EBF1: variants seen among roughly 807,000 people sequenced by gnomAD.
The protein encoded by EBF1 is transcription factor COE1.
A neutral mutation model predicts 68.4 loss-of-function variants in EBF1; 10 were observed. That is an observed-to-expected ratio of 0.15 (90% CI 0.09 to 0.25). EBF1 has a LOEUF of 0.25. Ranked by LOEUF, EBF1 falls within the 10% of genes least tolerant of loss-of-function variation. EBF1 has a pLI of 1.00. For synonymous variants in EBF1, 298 were observed against 299.8 expected, an observed-to-expected ratio of 0.99 and a Z score of 0.06; for missense variants, 509 against 794.4, an observed-to-expected ratio of 0.64 and a Z score of 4.32.
chr5:158,852,106 G>A (rs570801796), intron 6 of EBF1, among the ~76,000 whole-genome samples: 13 of 144,752 alleles, frequency 9.0e-5, no homozygotes, highest in Non-Finnish European at 1.7e-4. Context: ...TCTTGTTTGC[G>A]TTAGAAAGCT....
At chr5:158,991,040 A>G (rs1760209504) in intron 6 of EBF1, among the ~76,000 whole-genome samples, 1 of 152,230 alleles carries the variant, frequency 6.6e-6, no homozygotes, top group Admixed American at 6.5e-5. Flanking sequence ...AGAGTAACAG[A>G]CATCGTAGGG....
intron 8 of EBF1, among the ~76,000 whole-genome samples, chr5:158,817,300 T>C (rs1783955097): frequency 6.6e-6 from 1 of 152,184 alleles, no homozygotes; most frequent in Non-Finnish European, 1.5e-5. Context: ...AATGGTTCAA[T>C]GTCCCTACTA....
chr5:158,897,239 A>G (rs1802350854), intron 6 of EBF1, among the ~76,000 whole-genome samples: 1 of 152,248 alleles, frequency 6.6e-6, no homozygotes. Context: ...ATGCAGCTAT[A>G]AAAAGAAAGA....
intron 9 of EBF1, among the ~76,000 whole-genome samples, chr5:158,783,042 A>C (rs1776730722): frequency 6.6e-6 from 1 of 152,192 alleles, no homozygotes; most frequent in Admixed American, 6.6e-5. Flanking sequence ...AAAAGGTTTA[A>C]AAATTAATAC....
At chr5:158,858,872 C>T (rs918791922) in intron 6 of EBF1, among the ~76,000 whole-genome samples, 27 of 152,090 alleles carry the variant, frequency 1.8e-4, no homozygotes, top group African/African-American at 4.8e-4. Context: ...TAAAGCCCTC[C>T]TAATGAGGTC....
At chr5:159,076,567 T>C (rs1022783693) in intron 5 of EBF1, among the ~76,000 whole-genome samples, 3 of 151,076 alleles carry the variant, frequency 2.0e-5, no homozygotes, top group African/African-American at 4.9e-5. Flanking sequence ...AGAAATGAAA[T>C]GGGGAGAATG....
intron 9 of EBF1, among the ~76,000 whole-genome samples, chr5:158,795,039 G>A (rs1779362961): frequency 6.6e-6 from 1 of 152,154 alleles, no homozygotes; most frequent in African/African-American, 2.4e-5. Flanking sequence ...TACCAAGGCA[G>A]CAGCAGCACA....
At chr5:158,806,518 T>G (rs1413764699) in intron 8 of EBF1, among the ~76,000 whole-genome samples, 1 of 152,018 alleles carries the variant, frequency 6.6e-6, no homozygotes, top group Non-Finnish European at 1.5e-5. Flanking sequence ...GTCGTGAATG[T>G]GGGAGTCAAG....
intron 6 of EBF1, among the ~76,000 whole-genome samples, chr5:158,880,952 C>T (rs1798784872): frequency 6.6e-6 from 1 of 152,082 alleles, no homozygotes; most frequent in Non-Finnish European, 1.5e-5. Flanking sequence ...GGAATGTTTT[C>T]TGCATGAACC....
In EBF1 at chr5:159,091,830, G is replaced by T. The variant is rs115114686; in HGVS notation, c.411+3790C>A. On this transcript the variant is annotated intron_variant, in intron 4 of 15. Transcript: ENST00000313708. The stretch of plus-strand genomic sequence containing the variant: ...CCCACTGTCCTGGGAACCTTTTCAC[G>T]GTCTCCTCACTACATCATCTACTTT... Among the ~76,000 whole-genome samples, 1,335 of 152,150 alleles carry T rather than the reference G, an allele frequency of 8.8e-3. 24 individuals are homozygous for T. The highest frequency in any genetic ancestry group is 0.031 in the African/African-American group (1,292 of 41,504).
intron 10 of EBF1, among the ~76,000 whole-genome samples, chr5:158,764,489 A>G (rs1473133263): frequency 6.6e-6 from 1 of 152,184 alleles, no homozygotes. Flanking sequence ...GATTTGACTA[A>G]TATTTATTGC....
At chr5:158,803,346 T>C (rs1780967015) in intron 8 of EBF1, among the ~76,000 whole-genome samples, 1 of 121,052 alleles carries the variant, frequency 8.3e-6, no homozygotes, top group Non-Finnish European at 1.6e-5. Context: ...ATGCTTGTTT[T>C]TGCTGGTGTT....
chr5:158,964,389 C>T (rs1027317752), intron 6 of EBF1, among the ~76,000 whole-genome samples: 10 of 151,958 alleles, frequency 6.6e-5, no homozygotes, highest in African/African-American at 2.2e-4. Context: ...TTCTAGCTGC[C>T]GTGTAGACAG....
intron 8 of EBF1, among the ~76,000 whole-genome samples, chr5:158,819,639 G>C (rs540768931): frequency 6.6e-6 from 1 of 152,292 alleles, no homozygotes; most frequent in African/African-American, 2.4e-5. Context: ...GCTGAACATA[G>C]CCTTGTGGCA....
intron 4 of EBF1, among the ~76,000 whole-genome samples, chr5:159,089,646 A>G (rs759005605): frequency 2.0e-5 from 3 of 152,096 alleles, no homozygotes; most frequent in Non-Finnish European, 2.9e-5. Context: ...AAGGCGGTGA[A>G]GAGAATACTT....
At chr5:158,992,917 CTTTTTTTTTTTTTTTTT>C (rs148629320) in intron 6 of EBF1, among the ~76,000 whole-genome samples, 1 of 72,826 alleles carries the variant, frequency 1.4e-5, no homozygotes, top group Admixed American at 2.2e-4. Context: ...CTGTTTCTTT[CTTTTTTTTTTTTTTTTT>C]TTTTTTTTTT....
At chr5:158,978,823 C>CAT (rs1757322219) in intron 6 of EBF1, among the ~76,000 whole-genome samples, 2 of 149,064 alleles carry the variant, frequency 1.3e-5, no homozygotes, top group Non-Finnish European at 3.0e-5. Flanking sequence ...CACACACACA[C>CAT]ACACACACAC....
At chr5:158,846,797 C>T (rs1791612140) in intron 6 of EBF1, among the ~76,000 whole-genome samples, 1 of 152,228 alleles carries the variant, frequency 6.6e-6, no homozygotes, top group African/African-American at 2.4e-5. Context: ...GTAAAGGTTG[C>T]TCACTGCCGG....
intron 6 of EBF1, among the ~76,000 whole-genome samples, chr5:158,864,099 G>A (rs1440056995): frequency 6.6e-6 from 1 of 151,772 alleles, no homozygotes; most frequent in Non-Finnish European, 1.5e-5. Context: ...TGGTTGTGGT[G>A]GTACACACCA....
Sources: gnomAD v4.1 joint callset for allele counts (sites outside exome capture counted in the v4.1 genomes callset) on GRCh38, gnomAD v4.1.1 for gene constraint, MANE v1.5 for transcripts, NCBI Gene and HGNC (gene_info 2026-07-23, HGNC 2026-07-21) for gene names.